Variants in KCNIP4 observed in about 807,000 individuals in gnomAD.
The protein encoded by KCNIP4 is potassium voltage-gated channel interacting protein 4.
In KCNIP4, 12 loss-of-function variants were observed where a neutral mutation model predicts 34.0. The observed-to-expected ratio is 0.35, with a 90% confidence interval of 0.23 to 0.57. KCNIP4 has a LOEUF of 0.57. Among genes scored for constraint, KCNIP4 ranks in the 20% least tolerant of loss-of-function variants. The pLI is 0.83. For missense variants in KCNIP4, 238 were observed against 311.7 expected, an observed-to-expected ratio of 0.76 and a Z score of 1.78; for synonymous variants, 124 against 102.2, an observed-to-expected ratio of 1.21 and a Z score of -1.29.
At chr4:21,869,759 TA>T (rs1725657117) in intron 1 of KCNIP4, among the ~76,000 whole-genome samples, 1 of 150,036 alleles carries the variant, frequency 6.7e-6, no homozygotes, top group South Asian at 2.2e-4. Flanking sequence ...GATAGATAGA[TA>T]GATAGATAGA....
chr4:20,735,493 A>G (rs1371596909), intron 5 of KCNIP4, among the ~76,000 whole-genome samples: 1 of 149,438 alleles, frequency 6.7e-6, no homozygotes, highest in Non-Finnish European at 1.5e-5. Flanking sequence ...GACTGGCCAG[A>G]TTAACTTGAT....
intron 1 of KCNIP4, among the ~76,000 whole-genome samples, chr4:21,135,618 A>C (rs1445023184): frequency 6.6e-6 from 1 of 152,234 alleles, no homozygotes; most frequent in Non-Finnish European, 1.5e-5. Flanking sequence ...TAAAGATTAA[A>C]TCTACATATA....
At chr4:21,431,087 CA>C (rs1269943431) in intron 1 of KCNIP4, among the ~76,000 whole-genome samples, 1 of 151,806 alleles carries the variant, frequency 6.6e-6, no homozygotes, top group Non-Finnish European at 1.5e-5. Flanking sequence ...TTGATTGTCA[CA>C]AACTTGCCAT....
At chr4:20,766,596 C>T (rs1349426515) in intron 3 of KCNIP4, among the ~76,000 whole-genome samples, 1 of 151,992 alleles carries the variant, frequency 6.6e-6, no homozygotes, top group South Asian at 2.1e-4. Flanking sequence ...AAACATAAAG[C>T]AACTTTAGAG....
chr4:20,879,393 T>A (rs894151974), intron 2 of KCNIP4, among the ~76,000 whole-genome samples: 1 of 152,192 alleles, frequency 6.6e-6, no homozygotes, highest in Admixed American at 6.5e-5. Flanking sequence ...TGAAGCCATG[T>A]GTGTTGCTTC....
chr4:21,302,622 T>A (rs999033239), intron 1 of KCNIP4, among the ~76,000 whole-genome samples: 3 of 152,188 alleles, frequency 2.0e-5, no homozygotes, highest in African/African-American at 7.2e-5. Context: ...GATATTTCCA[T>A]CAGAGAGGGC....
chr4:21,156,958 C>T (rs1471249949), intron 1 of KCNIP4, among the ~76,000 whole-genome samples: 2 of 151,948 alleles, frequency 1.3e-5, no homozygotes, highest in Admixed American at 6.6e-5. Context: ...TATTTTGTTC[C>T]AAGTTTAACT....
rs555169279 is a variant in KCNIP4 at position 21,143,395 on chromosome 4, G to A, written c.62-260686C>T. 3.9e-5 allele frequency among the ~76,000 whole-genome samples: 6 copies of A among 152,256 alleles called. No homozygotes were observed. In the South Asian group the frequency reaches 1.2e-3, roughly 32 times the overall value. Reference sequence around the variant, plus strand: ...GTGACCATTGACCAATAGTCAGCAAGGAAATGGGGAACCTCAGTCCTACAA... The same window carrying A: ...GTGACCATTGACCAATAGTCAGCAAAGAAATGGGGAACCTCAGTCCTACAA... On this transcript the variant is annotated intron_variant, in intron 1 of 8. Coordinates refer to ENST00000382152, the MANE Select transcript of KCNIP4 (RefSeq NM_025221.6).
intron 1 of KCNIP4, among the ~76,000 whole-genome samples, chr4:21,725,688 T>A (rs1207462544): frequency 6.6e-6 from 1 of 152,130 alleles, no homozygotes; most frequent in Non-Finnish European, 1.5e-5. Flanking sequence ...CAAAACAACT[T>A]TGTTTGGCAA....
intron 1 of KCNIP4, among the ~76,000 whole-genome samples, chr4:21,725,607 T>A (rs957063181): frequency 5.3e-4 from 81 of 152,174 alleles, no homozygotes; most frequent in Non-Finnish European, 3.8e-4. Flanking sequence ...TGCATTAGTA[T>A]ATCTGAAGCA....
intron 1 of KCNIP4, among the ~76,000 whole-genome samples, chr4:21,653,723 C>T (rs902012310): frequency 6.6e-6 from 1 of 152,138 alleles, no homozygotes; most frequent in Non-Finnish European, 1.5e-5. Context: ...TTAATCCTCA[C>T]AACATTCAAA....
intron 1 of KCNIP4, among the ~76,000 whole-genome samples, chr4:21,017,004 A>C (rs1739602690): frequency 6.6e-6 from 1 of 152,108 alleles, no homozygotes; most frequent in African/African-American, 2.4e-5. Flanking sequence ...AATTGATTCT[A>C]CCATTTTATG....
chr4:21,575,158 C>G (rs868109151), intron 1 of KCNIP4, among the ~76,000 whole-genome samples: 1 of 152,280 alleles, frequency 6.6e-6, no homozygotes, highest in Middle Eastern at 3.4e-3. Context: ...CTCAAACTGA[C>G]TTCAGGGAGG....
At chr4:20,861,225 TA>T (rs1307679365) in intron 2 of KCNIP4, among the ~76,000 whole-genome samples, 1 of 152,194 alleles carries the variant, frequency 6.6e-6, no homozygotes, top group Non-Finnish European at 1.5e-5. Flanking sequence ...CCAGGCCCTG[TA>T]AGCAACTCTT....
intron 2 of KCNIP4, among the ~76,000 whole-genome samples, chr4:20,857,975 G>T (rs778891394): frequency 6.6e-6 from 1 of 151,876 alleles, no homozygotes; most frequent in Non-Finnish European, 1.5e-5. Context: ...TTGAGAGGCC[G>T]ACGTGGGTGG....
intron 3 of KCNIP4, among the ~76,000 whole-genome samples, chr4:20,792,648 A>G (rs963315430): frequency 5.9e-5 from 9 of 152,234 alleles, no homozygotes; most frequent in Non-Finnish European, 1.0e-4. Flanking sequence ...TAGACAAAAT[A>G]GATTTCAAAG....
intron 1 of KCNIP4, among the ~76,000 whole-genome samples, chr4:21,114,518 TA>T (rs1219197635): frequency 6.6e-6 from 1 of 151,868 alleles, no homozygotes; most frequent in African/African-American, 2.4e-5. Context: ...TAAAAAAGAA[TA>T]AAAAAATAAA....
At chr4:20,754,745 T>G (rs1754218273) in intron 4 of KCNIP4, among the ~76,000 whole-genome samples, 1 of 152,200 alleles carries the variant, frequency 6.6e-6, no homozygotes, top group Admixed American at 6.5e-5. Context: ...CTTTGCAAAA[T>G]AGATGTGCTC....
At chr4:20,879,128 T>C (rs573122156) in intron 2 of KCNIP4, among the ~76,000 whole-genome samples, 1 of 152,270 alleles carries the variant, frequency 6.6e-6, no homozygotes, top group Admixed American at 6.5e-5. Flanking sequence ...TGCGGGCAAT[T>C]GACTGCCTAG....
Sources: allele counts gnomAD v4.1 joint callset (sites outside exome capture counted in the v4.1 genomes callset), GRCh38; gene constraint gnomAD v4.1.1; transcripts MANE v1.5; gene names NCBI Gene and HGNC (gene_info 2026-07-23, HGNC 2026-07-21).